MYRIP: variants seen among roughly 807,000 people sequenced by gnomAD.
The protein encoded by MYRIP is rab effector MyRIP.
In MYRIP, 49 loss-of-function variants were observed where a neutral mutation model predicts 98.0. The ratio of observed to expected loss-of-function variants is 0.50; its 90% confidence interval spans 0.40 to 0.63. The LOEUF is 0.63. Among genes scored for constraint, MYRIP ranks in the 30% least tolerant of loss-of-function variants. The pLI, the probability that MYRIP is intolerant of heterozygous loss-of-function variation, is 0.00. For missense variants in MYRIP, 1,004 were observed against 1,058.2 expected, an observed-to-expected ratio of 0.95 and a Z score of 0.71; for synonymous variants, 404 against 409.5, an observed-to-expected ratio of 0.99 and a Z score of 0.16.
intron 3 of MYRIP, among the ~76,000 whole-genome samples, chr3:40,094,234 C>G (rs186219055): frequency 6.6e-6 from 1 of 152,314 alleles, no homozygotes; most frequent in Non-Finnish European, 1.5e-5. Context: ...GATAGGTGCT[C>G]AAGAAATAAG....
chr3:40,229,956 A>G (rs1184353627), intron 11 of MYRIP, among the ~76,000 whole-genome samples: 4 of 152,092 alleles, frequency 2.6e-5, no homozygotes, highest in Non-Finnish European at 5.9e-5. Flanking sequence ...AAAAAAGAGA[A>G]TTTTGCATGT....
chr3:39,932,961 T>C (rs1944575130), intron 2 of MYRIP, among the ~76,000 whole-genome samples: 1 of 152,244 alleles, frequency 6.6e-6, no homozygotes, highest in Admixed American at 6.5e-5. Flanking sequence ...TTAATTCTAA[T>C]AATGAGTAGG....
chr3:40,222,458 G>GT (rs1189374341), intron 11 of MYRIP, among the ~76,000 whole-genome samples: 1 of 152,162 alleles, frequency 6.6e-6, no homozygotes, highest in African/African-American at 2.4e-5. Flanking sequence ...AGCCTCCAGA[G>GT]TTGAGTCCCA....
chr3:39,857,235 T>G (rs1942326577), intron 1 of MYRIP, among the ~76,000 whole-genome samples: 1 of 69,332 alleles, frequency 1.4e-5, no homozygotes, highest in African/African-American at 8.3e-5. Flanking sequence ...CAAGAAAAGA[T>G]AACACAGGAG....
At chr3:39,991,926 C>T (rs1167002687) in intron 2 of MYRIP, among the ~76,000 whole-genome samples, 1 of 152,166 alleles carries the variant, frequency 6.6e-6, no homozygotes, top group East Asian at 1.9e-4. Flanking sequence ...GTGCATAGTG[C>T]ACACTAAGGG....
At chr3:40,017,274 T>G (rs1445140585) in intron 2 of MYRIP, among the ~76,000 whole-genome samples, 4 of 152,212 alleles carry the variant, frequency 2.6e-5, no homozygotes, top group Non-Finnish European at 4.4e-5. Flanking sequence ...CTCAGAATTC[T>G]TCTTAATACA....
At chr3:39,877,339 G>A (rs1237732177) in intron 1 of MYRIP, among the ~76,000 whole-genome samples, 4 of 152,026 alleles carry the variant, frequency 2.6e-5, no homozygotes, top group Non-Finnish European at 5.9e-5. Context: ...TCTTCTCTCA[G>A]CTCGTCAAAG....
chr3:40,235,703 A>G (rs930796806), intron 12 of MYRIP, among the ~76,000 whole-genome samples: 1 of 152,108 alleles, frequency 6.6e-6, no homozygotes, highest in African/African-American at 2.4e-5. Context: ...GAGGACCCTG[A>G]CTTAGGTAGC....
At chr3:39,863,628 C>A (rs1942532884) in intron 1 of MYRIP, among the ~76,000 whole-genome samples, 1 of 151,992 alleles carries the variant, frequency 6.6e-6, no homozygotes, top group Non-Finnish European at 1.5e-5. Flanking sequence ...AAATTGAATC[C>A]CTGAACAGAT....
chr3:40,167,038 A>T, intron 6 of MYRIP, 95 bp downstream of exon 6: 3 of 1,361,562 alleles, frequency 2.2e-6, no homozygotes, highest in Non-Finnish European at 3.1e-6. Context: ...TCAATGTCCC[A>T]GCAGCTCTGA....
chr3:40,235,881 T>C (rs937783682), intron 12 of MYRIP, among the ~76,000 whole-genome samples: 12 of 152,212 alleles, frequency 7.9e-5, no homozygotes, highest in Non-Finnish European at 1.5e-4. Context: ...TTAAACACTA[T>C]CAGCCAAGTC....
intron 1 of MYRIP, among the ~76,000 whole-genome samples, chr3:39,897,865 C>A (rs13091535): frequency 6.9e-6 from 1 of 144,918 alleles, no homozygotes; most frequent in Non-Finnish European, 1.5e-5. Flanking sequence ...ATGATCAAAG[C>A]TGTCACTTCA....
chr3:40,080,722 T>C (rs1274643501), intron 3 of MYRIP, among the ~76,000 whole-genome samples: 1 of 151,362 alleles, frequency 6.6e-6, no homozygotes, highest in Non-Finnish European at 1.5e-5. Flanking sequence ...TATCTTTTTC[T>C]CTTTTCAAAA....
At chr3:40,143,926 T>G (rs1307594025) in intron 3 of MYRIP, among the ~76,000 whole-genome samples, 4 of 152,226 alleles carry the variant, frequency 2.6e-5, no homozygotes, top group African/African-American at 9.6e-5. Flanking sequence ...GATTCTACTC[T>G]GAGACTTGAG....
chr3:40,043,524 G>T (rs1947594299), intron 2 of MYRIP, among the ~76,000 whole-genome samples: 1 of 152,020 alleles, frequency 6.6e-6, no homozygotes, highest in Non-Finnish European at 1.5e-5. Context: ...AATCACCAGT[G>T]CCTCGATCTG....
intron 3 of MYRIP, among the ~76,000 whole-genome samples, chr3:40,069,200 A>C (rs1948176749): frequency 6.6e-6 from 1 of 152,038 alleles, no homozygotes; most frequent in Non-Finnish European, 1.5e-5. Flanking sequence ...TTGGGGATGC[A>C]CCTGCACATC....
intron 1 of MYRIP, among the ~76,000 whole-genome samples, chr3:39,830,959 A>T (rs1941427712): frequency 6.6e-6 from 1 of 152,202 alleles, no homozygotes; most frequent in Non-Finnish European, 1.5e-5. Flanking sequence ...AACTTTCAAG[A>T]TTATGAATGA....
chr3:40,120,363 CTTAACA>C (rs138555185), intron 3 of MYRIP, among the ~76,000 whole-genome samples: 3,614 of 152,228 alleles, frequency 0.024, 94 homozygotes, highest in African/African-American at 0.061. Flanking sequence ...TATTATATAA[CTTAACA>C]TTACCATTAG....
Position 40,155,081 on chromosome 3 carries a change from G to A in MYRIP, c.469+3897G>A, listed in dbSNP as rs369213462. Among the ~76,000 whole-genome samples, 24 of 151,466 alleles carry A rather than the reference G, an allele frequency of 1.6e-4. 1 individual carries two copies. Among genetic ancestry groups the A allele is most frequent in the Admixed American group, 1.1e-3 (16 of 15,210 alleles). ...ATGTATACATGTGCCATGCTGGTGCGCTGCACCCACTAACTCGTCATCTAG... is the reference window on the plus strand; with the variant it reads ...ATGTATACATGTGCCATGCTGGTGCACTGCACCCACTAACTCGTCATCTAG... On this transcript the variant is annotated intron_variant, in intron 4 of 16. Coordinates refer to ENST00000302541, the MANE Select transcript of MYRIP (RefSeq NM_015460.4).
Sources: allele counts gnomAD v4.1 joint callset (sites outside exome capture counted in the v4.1 genomes callset), GRCh38; gene constraint gnomAD v4.1.1; transcripts MANE v1.5; gene names NCBI Gene and HGNC (gene_info 2026-07-23, HGNC 2026-07-21).